ST18: variants seen among roughly 807,000 people sequenced by gnomAD.
ST18 encodes ST18 C2H2C-type zinc finger transcription factor.
Under a neutral mutation model 110.0 loss-of-function variants are expected in ST18, and 50 were observed. That is an observed-to-expected ratio of 0.45 (90% CI 0.36 to 0.58). ST18 has a LOEUF of 0.58. Among genes scored for constraint, ST18 ranks in the 20% least tolerant of loss-of-function variants. The pLI, the probability that ST18 is intolerant of heterozygous loss-of-function variation, is 0.00. For synonymous variants in ST18, 461 were observed against 452.4 expected (o/e 1.02, Z -0.24); for missense variants, 1,306 against 1,280.1 (o/e 1.02, Z -0.31).
At chr8:52,274,312 G>A (rs2095168541) in intron 2 of ST18, among the ~76,000 whole-genome samples, 1 of 152,012 alleles carries the variant, frequency 6.6e-6, no homozygotes, top group East Asian at 1.9e-4. Context: ...CATAAAATAT[G>A]TTATGTAGAT....
At chr8:52,295,205 CTT>C (rs1267120056) in intron 2 of ST18, among the ~76,000 whole-genome samples, 1 of 152,294 alleles carries the variant, frequency 6.6e-6, no homozygotes, top group African/African-American at 2.4e-5. Flanking sequence ...CAAAAATAGA[CTT>C]AGATTGGAAA....
In ST18 at chr8:52,214,172, A is replaced by T. The variant is rs751823192; in HGVS notation, c.55+31T>A. On this transcript the variant is annotated intron_variant, in intron 7 of 25. Coordinates refer to ENST00000689386, the MANE Select transcript of ST18 (RefSeq NM_001352837.2). ...GCTCATATTTCATGGTGTGGTGGGC[A>T]TAGTGTCATAGAACCTGCTTGCTAA... is the stretch of plus-strand genomic sequence containing the variant. The T allele has an allele frequency of 2.5e-6, 4 of 1,611,914 alleles. No homozygotes were observed. In the East Asian group the frequency reaches 8.9e-5, roughly 36 times the overall value.
At chr8:52,156,753 ATGTG>A (rs757997867) in intron 15 of ST18, among the ~76,000 whole-genome samples, 6 of 151,788 alleles carry the variant, frequency 4.0e-5, no homozygotes, top group African/African-American at 1.5e-4. Flanking sequence ...GCGTGTGTGC[ATGTG>A]TGTGTGTGTG....
intron 2 of ST18, among the ~76,000 whole-genome samples, chr8:52,308,430 A>G (rs552762324): frequency 6.6e-6 from 1 of 152,334 alleles, no homozygotes; most frequent in Non-Finnish European, 1.5e-5. Context: ...ATATGGGCTC[A>G]GACAAGCTGG....
At chr8:52,137,383 A>G (rs1381411859) in intron 18 of ST18, 38 bp downstream of exon 18, 3 of 1,608,608 alleles carry the variant, frequency 1.9e-6, no homozygotes, top group Non-Finnish European at 2.6e-6. Context: ...ATAGAACAAG[A>G]CCATGAAAAT....
chr8:52,130,843 A>G (rs1221265186), intron 22 of ST18, among the ~76,000 whole-genome samples: 2 of 152,232 alleles, frequency 1.3e-5, no homozygotes, highest in African/African-American at 2.4e-5. Flanking sequence ...CAGTATCAAC[A>G]TGGATATTAC....
chr8:52,125,828 T>C, intron 23 of ST18: 1 of 512,532 alleles, frequency 2.0e-6, no homozygotes, highest in Non-Finnish European at 3.4e-6. Context: ...CCCCACTGCC[T>C]GACTTTCTCT....
intron 2 of ST18, among the ~76,000 whole-genome samples, chr8:52,321,973 A>C (rs1433339488): frequency 6.6e-6 from 1 of 152,182 alleles, no homozygotes; most frequent in Non-Finnish European, 1.5e-5. Flanking sequence ...TAAGTTATTA[A>C]ACTAGACCAT....
chr8:52,404,941 T>C (rs1411479583), intron 2 of ST18: 2 of 152,208 alleles, frequency 1.3e-5, no homozygotes, highest in African/African-American at 4.8e-5. Flanking sequence ...ATTTAACCAG[T>C]CGATATGTTA....
chr8:52,135,353 G>C (rs554094790), intron 19 of ST18, among the ~76,000 whole-genome samples: 32 of 152,100 alleles, frequency 2.1e-4, no homozygotes, highest in Admixed American at 7.2e-4. Flanking sequence ...CTGGGGTCAG[G>C]AGTTTGAGAC....
At position 52,133,735 on chromosome 8, in the gene ST18, ATTATTG is replaced by A. The variant is rs1275295950; in HGVS notation, c.2301-440_2301-435del. ...AATTATTATTATTATTATTATTATT[ATTATTG>A]TTATTATTGAGACAAAGTCTCGCTC... On this transcript the variant is annotated intron_variant, in intron 19 of 25. Coordinates refer to ENST00000689386, the MANE Select transcript of ST18 (RefSeq NM_001352837.2). 1.9e-3 allele frequency among the ~76,000 whole-genome samples: 279 copies of A among 148,182 alleles called. 1 individual carries two copies. The highest frequency in any genetic ancestry group is 6.9e-3 in the African/African-American group (271 of 39,226).
At chr8:52,259,452 T>C (rs1369501074) in intron 2 of ST18, among the ~76,000 whole-genome samples, 1 of 152,174 alleles carries the variant, frequency 6.6e-6, no homozygotes, top group Admixed American at 6.5e-5. Context: ...CCTGGATCTA[T>C]TTGCAAAAGT....
At position 52,171,849 on chromosome 8, in the gene ST18, C is replaced by T. The variant is rs1281848736; in HGVS notation, c.1012G>A (p.Glu338Lys). The change falls in exon 10 of 26, where the codon GAA becomes AAA. Residue 338 changes from glutamate to lysine, a missense_variant. Transcript: ENST00000689386. ...DRFLLEHLAGERRQTKVIDMG... is the reference protein window; with the variant it reads ...DRFLLEHLAGKRRQTKVIDMG... ...TCGATAACTTTGGTTTGCCTCCTTT[C>T]CCCTGCTAGGTGCTCCAGCAGGAAC... 2.5e-6 allele frequency: 4 copies of T among 1,614,056 alleles called. No individual in the cohort carries two copies. The African/African-American group carries it at 5.3e-5, about 22-fold the overall frequency.
intron 2 of ST18, among the ~76,000 whole-genome samples, chr8:52,374,171 A>G (rs910861313): frequency 6.6e-6 from 1 of 152,224 alleles, no homozygotes; most frequent in African/African-American, 2.4e-5. Context: ...ATTTGGAAAT[A>G]GGGTCTTTGC....
chr8:52,312,408 C>T (rs1167773545), intron 2 of ST18, among the ~76,000 whole-genome samples: 1 of 152,174 alleles, frequency 6.6e-6, no homozygotes, highest in African/African-American at 2.4e-5. Context: ...CCCTCTACTA[C>T]CTCAACTACG....
At chr8:52,183,114 A>C (rs1446599094) in intron 8 of ST18, among the ~76,000 whole-genome samples, 4 of 152,180 alleles carry the variant, frequency 2.6e-5, no homozygotes, top group Admixed American at 2.6e-4. Flanking sequence ...ATTTTACTAC[A>C]TAAGGACATA....
intron 2 of ST18, among the ~76,000 whole-genome samples, chr8:52,382,552 A>G (rs943244563): frequency 1.3e-5 from 2 of 152,194 alleles, no homozygotes; most frequent in African/African-American, 4.8e-5. Context: ...TTTGTATAGC[A>G]GAACAGTTTG....
chr8:52,396,260 T>C (rs189852915), intron 2 of ST18, among the ~76,000 whole-genome samples: 1 of 152,228 alleles, frequency 6.6e-6, no homozygotes, highest in African/African-American at 2.4e-5. Flanking sequence ...ATGACTACTT[T>C]ATTTTTTTGA....
intron 6 of ST18, among the ~76,000 whole-genome samples, chr8:52,215,550 T>C (rs943158392): frequency 5.9e-5 from 9 of 152,200 alleles, no homozygotes; most frequent in Non-Finnish European, 8.8e-5. Context: ...CATTTCATAA[T>C]AAACACCACA....
Sources: allele counts gnomAD v4.1 joint callset (sites outside exome capture counted in the v4.1 genomes callset), GRCh38; gene constraint gnomAD v4.1.1; transcripts MANE v1.5; gene names NCBI Gene and HGNC (gene_info 2026-07-23, HGNC 2026-07-21).